TRAPPC12: variants seen among roughly 807,000 people sequenced by gnomAD.
TRAPPC12 encodes the protein trafficking protein particle complex subunit 12.
TRAPPC12 carries 61 observed loss-of-function variants against 69.2 expected under a neutral mutation model. That is an observed-to-expected ratio of 0.88 (90% CI 0.72 to 1.09). The LOEUF is 1.09. TRAPPC12 is among the 50% of genes least tolerant of loss of function. The pLI is 0.00. For missense variants in TRAPPC12, 1,101 were observed against 1,016.4 expected, an observed-to-expected ratio of 1.08 and a Z score of -1.13; for synonymous variants, 469 against 438.9, an observed-to-expected ratio of 1.07 and a Z score of -0.86.
At chr2:3,426,099 A>T (rs1663086300) in intron 5 of TRAPPC12, among the ~76,000 whole-genome samples, 1 of 152,174 alleles carries the variant, frequency 6.6e-6, no homozygotes. Context: ...CCCAGAATTG[A>T]TGGAGATTTT....
intron 2 of TRAPPC12, among the ~76,000 whole-genome samples, chr2:3,390,125 A>G (rs1660746170): frequency 6.6e-6 from 1 of 152,184 alleles, no homozygotes; most frequent in Non-Finnish European, 1.5e-5. Flanking sequence ...ACTTGCAGCT[A>G]GGCTTTAAAC....
chr2:3,399,271 C>T (rs1286769833), intron 2 of TRAPPC12, among the ~76,000 whole-genome samples: 1 of 152,240 alleles, frequency 6.6e-6, no homozygotes, highest in Non-Finnish European at 1.5e-5. Flanking sequence ...CCCTCCGTCC[C>T]TGGCATTACA....
At chr2:3,407,639 A>T (rs539575870) in intron 3 of TRAPPC12, among the ~76,000 whole-genome samples, 1 of 152,024 alleles carries the variant, frequency 6.6e-6, no homozygotes, top group Admixed American at 6.6e-5. Context: ...CATCTCTACT[A>T]AAAATACAAA....
intron 11 of TRAPPC12, 58 bp downstream of exon 11, chr2:3,478,991 A>G: frequency 6.4e-7 from 1 of 1,559,998 alleles, no homozygotes; most frequent in Non-Finnish European, 8.8e-7. Context: ...CGCTAGAAAC[A>G]TACACCCACA....
At position 3,446,541 on chromosome 2, in the gene TRAPPC12, G is replaced by A. The variant is rs559867056; in HGVS notation, c.1530+2650G>A. On this transcript the variant is annotated intron_variant, in intron 6 of 11. Transcript: ENST00000324266. ...CACCTTTGGCAGGAGAAGAAGCACC[G>A]TCGCCAACTTCCTCGCTCACTTCCT... Among the ~76,000 whole-genome samples, 21 of 152,336 alleles carry A rather than the reference G, an allele frequency of 1.4e-4. No homozygotes were observed. In the South Asian group the frequency reaches 2.3e-3, roughly 17 times the overall value.
intron 5 of TRAPPC12, among the ~76,000 whole-genome samples, chr2:3,435,946 A>C (rs1663748421): frequency 6.6e-6 from 1 of 152,240 alleles, no homozygotes; most frequent in Non-Finnish European, 1.5e-5. Flanking sequence ...CATTATAAAA[A>C]TATAGTTGAT....
At position 3,421,691 on chromosome 2, in the gene TRAPPC12, C is replaced by T. The variant is rs765649022; in HGVS notation, c.1165-190C>T. On this transcript the variant is annotated intron_variant, in intron 3 of 11. Coordinates refer to ENST00000324266, the MANE Select transcript of TRAPPC12 (RefSeq NM_016030.6). ...GCTTGGCTCTCTTATTGCCTAATTA[C>T]ACGTGCAGCGTTGACAAATGGCATG... The T allele has an allele frequency of 5.6e-6, 4 of 716,904 alleles. No individual in the cohort carries two copies. In the South Asian group the frequency reaches 6.0e-5, roughly 11 times the overall value. 44.4% of individuals were successfully genotyped at this position (716,904 alleles called of 1,614,324 possible).
chr2:3,428,090 G>A (rs1292595878), intron 5 of TRAPPC12, among the ~76,000 whole-genome samples: 1 of 152,166 alleles, frequency 6.6e-6, no homozygotes. Context: ...AAATCTGTGG[G>A]TTTAGGTGGA....
chr2:3,390,817 A>G (rs1660780989), intron 2 of TRAPPC12, among the ~76,000 whole-genome samples: 1 of 152,166 alleles, frequency 6.6e-6, no homozygotes, highest in Non-Finnish European at 1.5e-5. Flanking sequence ...GATCATGGGG[A>G]AGACTGTGTG....
At chr2:3,456,733 C>A in intron 6 of TRAPPC12, 1 of 234,792 alleles carries the variant, frequency 4.3e-6, no homozygotes, top group Non-Finnish European at 8.4e-6. Context: ...CGCACACCAC[C>A]ATGCCCAGCT....
intron 2 of TRAPPC12, 138 bp downstream of exon 2, chr2:3,388,808 T>G: frequency 2.3e-6 from 2 of 866,890 alleles, no homozygotes; most frequent in Non-Finnish European, 3.4e-6. Flanking sequence ...AGCGCCTGTG[T>G]TCCTCTGTCC....
intron 11 of TRAPPC12, 90 bp downstream of exon 11, chr2:3,479,023 G>A (rs1021179375): frequency 7.7e-5 from 115 of 1,489,904 alleles, no homozygotes; most frequent in Non-Finnish European, 9.5e-5. Context: ...AGGGGCCTGC[G>A]CTCTCTCTCT....
rs751817676 is a variant in TRAPPC12, at chr2:3,388,272, C to G, written c.649C>G (p.His217Asp). 2 of 1,607,984 alleles carry G rather than the reference C, an allele frequency of 1.2e-6. No individual in the cohort carries two copies. Among genetic ancestry groups the G allele is most frequent in the East Asian group, 4.5e-5 (2 of 44,348 alleles). ...STFFGDTAAS[H>D]SLASDFFDSF... ...GTTCTTCGGAGACACGGCCGCCAGC[C>G]ACTCCTTGGCCTCGGACTTCTTCGA... The change falls in exon 2 of 12, where the codon CAC becomes GAC. Residue 217 changes from histidine to aspartate, a missense_variant. Transcript: ENST00000324266.
At position 3,477,722 on chromosome 2, in the gene TRAPPC12, T is replaced by G; in HGVS notation, c.1804T>G (p.Tyr602Asp). 1 of 1,607,366 alleles carries G rather than the reference T, an allele frequency of 6.2e-7. No homozygotes were observed. Among genetic ancestry groups the G allele is most frequent in the Non-Finnish European group, 8.5e-7 (1 of 1,177,740 alleles). The part of the protein sequence containing the change: ...QIGDIKTAEK[Y>D]FQDVEKVTQK... ...TGGAGACATAAAAACAGCTGAAAAGTATTTTCAAGACGTTGAGAAAGTAAC... is the reference window on the plus strand; with the variant it reads ...TGGAGACATAAAAACAGCTGAAAAGGATTTTCAAGACGTTGAGAAAGTAAC... Residue 602 changes from tyrosine to aspartate, a missense_variant, in exon 10 of 12, where the codon TAT becomes GAT. Physicochemically the swap from Tyr to Asp is radical, Grantham distance 160 (BLOSUM62 -3). Transcript: ENST00000324266.
chr2:3,478,063 T>C (rs917604342), intron 10 of TRAPPC12: 5 of 304,098 alleles, frequency 1.6e-5, no homozygotes, highest in African/African-American at 1.1e-4. Flanking sequence ...TCAGCGTATG[T>C]GTGTGTAAAG....
chr2:3,475,160 G>C (rs1473578245), intron 9 of TRAPPC12, among the ~76,000 whole-genome samples: 1 of 152,086 alleles, frequency 6.6e-6, no homozygotes, highest in African/African-American at 2.4e-5. Context: ...CAGTGGCACA[G>C]GTATGATTCA....
intron 5 of TRAPPC12, among the ~76,000 whole-genome samples, chr2:3,428,096 G>A (rs1234618811): frequency 6.6e-6 from 1 of 152,186 alleles, no homozygotes; most frequent in African/African-American, 2.4e-5. Context: ...GTGGGTTTAG[G>A]TGGAAACTGC....
Position 3,387,756 on chromosome 2 carries a change from T to A in TRAPPC12, c.133T>A (p.Ser45Thr). The stretch of plus-strand genomic sequence containing the variant: ...CGATCTTGGCGGAGATGAGTTTGGA[T>A]CCGAAGAGAACGAGACCGCATCGGA... The part of the protein sequence containing the change: ...TIDLGGDEFG[S>T]EENETASEGS... The change falls in exon 2 of 12, where the codon TCC becomes ACC. Residue 45 changes from serine to threonine, a missense_variant. Ser to Thr is a moderately conservative substitution (Grantham distance 58). Transcript: ENST00000324266. 6.2e-7 allele frequency: 1 copy of A among 1,612,192 alleles called. No individual in the cohort carries two copies.
intron 10 of TRAPPC12, 104 bp from the exon 11 acceptor site, chr2:3,478,742 C>A: frequency 1.0e-6 from 1 of 955,420 alleles, no homozygotes; most frequent in Non-Finnish European, 1.6e-6. Flanking sequence ...CCACACAGGG[C>A]CATACGCTGG....
Sources: allele counts gnomAD v4.1 joint callset (sites outside exome capture counted in the v4.1 genomes callset), GRCh38; gene constraint gnomAD v4.1.1; transcripts MANE v1.5; gene names NCBI Gene and HGNC (gene_info 2026-07-23, HGNC 2026-07-21).